CALD1: variants seen among roughly 807,000 people sequenced by gnomAD.
The protein encoded by CALD1 is caldesmon 1.
A neutral mutation model predicts 99.9 loss-of-function variants in CALD1; 33 were observed. That is an observed-to-expected ratio of 0.33 (90% CI 0.25 to 0.44). CALD1 has a LOEUF of 0.44. CALD1 is among the 20% of genes least tolerant of loss of function. CALD1 has a pLI of 1.00. For missense variants in CALD1, 861 were observed against 962.1 expected, an observed-to-expected ratio of 0.89 and a Z score of 1.39; for synonymous variants, 310 against 325.0, an observed-to-expected ratio of 0.95 and a Z score of 0.50.
intron 1 of CALD1, among the ~76,000 whole-genome samples, chr7:134,825,503 T>C (rs1798952707): frequency 6.6e-6 from 1 of 152,168 alleles, no homozygotes; most frequent in Non-Finnish European, 1.5e-5. Context: ...ATTAGCATTT[T>C]AAAATTCTCT....
intron 1 of CALD1, among the ~76,000 whole-genome samples, chr7:134,754,967 A>G (rs1349313161): frequency 6.6e-6 from 1 of 151,022 alleles, no homozygotes; most frequent in African/African-American, 2.4e-5. Flanking sequence ...ATTTTACATT[A>G]CTCTACTCAA....
the CALD1 span, among the ~76,000 whole-genome samples, chr7:134,725,566 A>C: frequency 6.6e-6 from 1 of 152,220 alleles, no homozygotes; most frequent in Non-Finnish European, 1.5e-5. Flanking sequence ...ATCACTCTTC[A>C]GTGCTCTTGT....
At chr7:134,875,152 TCACTC>T (rs1324208448) in intron 3 of CALD1, among the ~76,000 whole-genome samples, 5 of 152,236 alleles carry the variant, frequency 3.3e-5, no homozygotes, top group Non-Finnish European at 5.9e-5. Flanking sequence ...AGAAAACTGA[TCACTC>T]CAGGGGACAA....
chr7:134,907,090 G>A (rs112170675), intron 3 of CALD1, among the ~76,000 whole-genome samples: 5 of 152,270 alleles, frequency 3.3e-5, no homozygotes, highest in Non-Finnish European at 1.5e-5. Flanking sequence ...TGATGAAAGT[G>A]TTCTGTAAAA....
At chr7:134,870,929 T>G (rs1203263015) in intron 3 of CALD1, among the ~76,000 whole-genome samples, 1 of 152,202 alleles carries the variant, frequency 6.6e-6, no homozygotes, top group East Asian at 1.9e-4. Flanking sequence ...TCAGGCTTCA[T>G]GGTTCAGCCA....
At chr7:134,807,276 T>C (rs1175907225) in intron 1 of CALD1, among the ~76,000 whole-genome samples, 2 of 152,228 alleles carry the variant, frequency 1.3e-5, no homozygotes, top group Non-Finnish European at 2.9e-5. Flanking sequence ...GGCACAACCA[T>C]GCAACATTCT....
intron 3 of CALD1, among the ~76,000 whole-genome samples, chr7:134,888,692 C>G (rs1563047): frequency 0.73 from 111,279 of 152,148 alleles, 41,188 homozygotes; most frequent in East Asian, 0.93. Context: ...TCTCTTCACT[C>G]TTCCCATGTC....
intron 3 of CALD1, among the ~76,000 whole-genome samples, chr7:134,918,652 T>C (rs575048972): frequency 1.6e-4 from 25 of 152,324 alleles, no homozygotes; most frequent in Non-Finnish European, 3.4e-4. Context: ...ACTGGTGCTG[T>C]TTACATTGGG....
chr7:134,908,119 C>T (rs552714290), intron 3 of CALD1, among the ~76,000 whole-genome samples: 1 of 152,184 alleles, frequency 6.6e-6, no homozygotes, highest in South Asian at 2.1e-4. Flanking sequence ...TTTGGGGTTA[C>T]ATGATGTTTT....
At chr7:134,725,389 C>T in the CALD1 span, among the ~76,000 whole-genome samples, 1 of 152,164 alleles carries the variant, frequency 6.6e-6, no homozygotes, top group Non-Finnish European at 1.5e-5. Flanking sequence ...CGAAGTGTCA[C>T]TTTGTCTGTT....
intron 1 of CALD1, among the ~76,000 whole-genome samples, chr7:134,817,841 A>G (rs193146063): frequency 6.6e-6 from 1 of 152,330 alleles, no homozygotes; most frequent in East Asian, 1.9e-4. Flanking sequence ...TAAAATTTCA[A>G]TAAATTCAAT....
intron 3 of CALD1, among the ~76,000 whole-genome samples, chr7:134,909,158 G>T (rs1376464402): frequency 6.6e-6 from 1 of 152,022 alleles, no homozygotes; most frequent in East Asian, 1.9e-4. Flanking sequence ...TCACATCCTG[G>T]AATTGTGAAA....
chr7:134,926,266 AAAATTTAACTTT>A (rs1194949055), intron 3 of CALD1, among the ~76,000 whole-genome samples: 2 of 152,220 alleles, frequency 1.3e-5, no homozygotes, highest in African/African-American at 2.4e-5. Flanking sequence ...ATTTAACTCT[AAAATTTAACTTT>A]AAATTTAACT....
upstream of CALD1, among the ~76,000 whole-genome samples, chr7:134,777,712 C>A (rs74912387): frequency 6.6e-6 from 1 of 152,130 alleles, no homozygotes; most frequent in Non-Finnish European, 1.5e-5. Context: ...GCACCCGGAA[C>A]GTCTCTGGAC....
chr7:134,901,715 C>G (rs1799491299), intron 3 of CALD1, among the ~76,000 whole-genome samples: 1 of 152,072 alleles, frequency 6.6e-6, no homozygotes, highest in Non-Finnish European at 1.5e-5. Context: ...TTCCTTGCCT[C>G]CTGTAGCTTC....
At chr7:134,719,677 T>C in the CALD1 span, among the ~76,000 whole-genome samples, 4 of 152,124 alleles carry the variant, frequency 2.6e-5, no homozygotes, top group East Asian at 7.7e-4. Context: ...GATATGTGTT[T>C]GTCCATTTTG....
chr7:134,787,439 T>A (rs1321468347), intron 1 of CALD1, among the ~76,000 whole-genome samples: 1 of 152,204 alleles, frequency 6.6e-6, no homozygotes, highest in Non-Finnish European at 1.5e-5. Context: ...GATATTTCGC[T>A]TCCTAGGAAA....
At chr7:134,832,541 T>A (rs950775182) in intron 1 of CALD1, among the ~76,000 whole-genome samples, 2 of 152,232 alleles carry the variant, frequency 1.3e-5, no homozygotes, top group African/African-American at 4.8e-5. Flanking sequence ...ATGTGATTGC[T>A]TATTCATGGA....
intron 3 of CALD1, among the ~76,000 whole-genome samples, chr7:134,871,582 A>G (rs1429343843): frequency 1.3e-5 from 2 of 152,128 alleles, no homozygotes; most frequent in Admixed American, 6.6e-5. Context: ...CTCAAACATA[A>G]CATGTACCCC....
Sources: gnomAD v4.1 joint callset for allele counts (sites outside exome capture counted in the v4.1 genomes callset) on GRCh38, gnomAD v4.1.1 for gene constraint, MANE v1.5 for transcripts, NCBI Gene and HGNC (gene_info 2026-07-23, HGNC 2026-07-21) for gene names.